The following BRIP1 variants were observed in gnomAD, a reference collection of about 807,000 sequenced individuals.
The protein encoded by BRIP1 is BRCA1 interacting DNA helicase 1.
A neutral mutation model predicts 119.7 loss-of-function variants in BRIP1; 88 were observed. The observed-to-expected ratio is 0.74, with a 90% CI of 0.62 to 0.88. The LOEUF is 0.88. Among genes scored for constraint, BRIP1 ranks in the 40% least tolerant of loss-of-function variants. The pLI is 0.00. For synonymous variants in BRIP1, 443 were observed against 496.5 expected (o/e 0.89, Z 1.43); for missense variants, 1,259 against 1,455.4 (o/e 0.87, Z 2.20).
chr17:61,749,214 T>TGTGACAATTTAACATTG (rs1222684764), intron 14 of BRIP1, among the ~76,000 whole-genome samples: 1 of 151,106 alleles, frequency 6.6e-6, no homozygotes, highest in Non-Finnish European at 1.5e-5. Flanking sequence ...GATTTAACAA[T>TGTGACAATTTAACATTG]GATTTTATGC....
chr17:61,830,061 T>C (rs2078467570), intron 6 of BRIP1, among the ~76,000 whole-genome samples: 1 of 151,066 alleles, frequency 6.6e-6, no homozygotes, highest in Non-Finnish European at 1.5e-5. Context: ...GCCTCCCGAG[T>C]AGCTGGGATT....
rs1211541495 is a variant in BRIP1, at chr17:61,690,045, G to T, written c.2575+3385C>A. On this transcript the variant is annotated intron_variant, in intron 18 of 19. Transcript: ENST00000259008. This position sits in a 1 kb window ranked among gnomAD's most constrained non-coding sequence, Gnocchi z 5.6. ...TTTCTCAGGCGACATCTTGCATGCT[G>T]TAAGGAAGTGGGATGACATGTTTGA... is the stretch of plus-strand genomic sequence containing the variant. Among the ~76,000 whole-genome samples the T allele has an allele frequency of 6.6e-6, 1 of 152,152 alleles. No individual in the cohort carries two copies. The highest frequency in any genetic ancestry group is 2.4e-5 in the African/African-American group (1 of 41,444).
chr17:61,687,331 T>C lies in BRIP1; in HGVS notation c.2576-1166A>G, dbSNP rs555286511. The stretch of plus-strand genomic sequence containing the variant: ...TTATAATCAAAGAAAGCCTTTTCAA[T>C]GTAAAATATCATTGTCTGCTTTTGA... On this transcript the variant is annotated intron_variant, in intron 18 of 19. Transcript: ENST00000259008. This position sits in a 1 kb window ranked among gnomAD's most constrained non-coding sequence, Gnocchi z 5.1. Among the ~76,000 whole-genome samples, 4 of 152,358 alleles carry C rather than the reference T, an allele frequency of 2.6e-5. No individual in the cohort carries two copies. The South Asian group carries it at 8.3e-4, about 32-fold the overall frequency.
Position 61,748,560 on chromosome 17 carries a change from CACTT to C in BRIP1, c.2098-3973_2098-3970del, listed in dbSNP as rs2077088968. 1.3e-5 allele frequency among the ~76,000 whole-genome samples: 2 copies of C among 152,192 alleles called. No homozygotes were observed. Among genetic ancestry groups the C allele is most frequent in the Non-Finnish European group, 2.9e-5 (2 of 68,028 alleles). On this transcript the variant is annotated intron_variant, in intron 14 of 19. Coordinates refer to ENST00000259008, the MANE Select transcript of BRIP1 (RefSeq NM_032043.3). The surrounding 1 kb of genome is among the most constrained non-coding windows in gnomAD (Gnocchi z 4.7). The stretch of plus-strand genomic sequence containing the variant: ...AAGCTAGAGGCATCGTGCTTCATGA[CACTT>C]ACATCTTACAAACCCACCATAATCA...
In BRIP1 at chr17:61,708,978, G is replaced by A. The variant is rs2106663; in HGVS notation, c.2492+6973C>T. On this transcript the variant is annotated intron_variant, in intron 17 of 19. Coordinates refer to ENST00000259008, the MANE Select transcript of BRIP1 (RefSeq NM_032043.3). The surrounding 1 kb of genome is among the most constrained non-coding windows in gnomAD (Gnocchi z 4.4). ...TAATATTAACCTCCATCTTTAATACGTCCTCAGCTGTGCCTGGTGTTGAAG... is the reference window on the plus strand; with the variant it reads ...TAATATTAACCTCCATCTTTAATACATCCTCAGCTGTGCCTGGTGTTGAAG... Among the ~76,000 whole-genome samples the A allele has an allele frequency of 0.34, 51,302 of 152,004 alleles. 8,860 individuals are homozygous for A. Among genetic ancestry groups the A allele is most frequent in the East Asian group, 0.49 (2,537 of 5,158 alleles).
rs2145409480 is a variant in BRIP1 at position 61,808,435 on chromosome 17, T to C, written c.918+32A>G. The C allele has an allele frequency of 6.3e-7, 1 of 1,578,394 alleles. No homozygotes were observed. The highest frequency in any genetic ancestry group is 2.2e-5 in the East Asian group (1 of 44,678). On this transcript the variant is annotated intron_variant, in intron 7 of 19. Transcript: ENST00000259008. This position sits in a 1 kb window ranked among gnomAD's most constrained non-coding sequence, Gnocchi z 4.1. ...AGTAATTTAAATATTTTCAGCCTTATTTTTTCTCTAACACAAAATAACTTT... is the reference window on the plus strand; with the variant it reads ...AGTAATTTAAATATTTTCAGCCTTACTTTTTCTCTAACACAAAATAACTTT...
rs923068961 is a variant in BRIP1 at position 61,710,341 on chromosome 17, CTTAG to C, written c.2492+5606_2492+5609del. 8.5e-5 allele frequency among the ~76,000 whole-genome samples: 13 copies of C among 152,236 alleles called. No homozygotes were observed. Among genetic ancestry groups the C allele is most frequent in the South Asian group, 6.2e-4 (3 of 4,830 alleles). On this transcript the variant is annotated intron_variant, in intron 17 of 19. Coordinates refer to ENST00000259008, the MANE Select transcript of BRIP1 (RefSeq NM_032043.3). This position sits in a 1 kb window ranked among gnomAD's most constrained non-coding sequence, Gnocchi z 5.4. ...TCACTAATTCAACAAGCATTTGAGA[CTTAG>C]TTGGTTGCTGAGAATGTAACAACGT...
In BRIP1 at chr17:61,863,272, C is replaced by T. The variant is rs4988340; in HGVS notation, c.-31+12G>A. ...AACTCAAGCCCTTTCCGTGGACTTC[C>T]CTCCGACTTGCCTGTCTGGAGGGAA... On this transcript the variant is annotated intron_variant, in intron 1 of 19. Transcript: ENST00000259008. The T allele has an allele frequency of 0.25, 38,174 of 151,976 alleles. 5,520 individuals are homozygous for T. The highest frequency in any genetic ancestry group is 0.51 in the South Asian group (2,428 of 4,782). The allele number at this position is 151,976 out of a possible 1,614,324, so 9.4% of individuals were successfully genotyped here.
rs898041467 is a variant in BRIP1 at position 61,730,294 on chromosome 17, C to T, written c.2379+12719G>A. 3.9e-5 allele frequency among the ~76,000 whole-genome samples: 6 copies of T among 152,172 alleles called. No homozygotes were observed. Among genetic ancestry groups the T allele is most frequent in the African/African-American group, 1.4e-4 (6 of 41,430 alleles). ...AAAGTGACATAGTCACCTGAAGCCCCTCTACATGTCTACAATCTGTAGGCA... is the reference window on the plus strand; with the variant it reads ...AAAGTGACATAGTCACCTGAAGCCCTTCTACATGTCTACAATCTGTAGGCA... On this transcript the variant is annotated intron_variant, in intron 16 of 19. Coordinates refer to ENST00000259008, the MANE Select transcript of BRIP1 (RefSeq NM_032043.3). The surrounding 1 kb of genome is among the most constrained non-coding windows in gnomAD (Gnocchi z 4.3).
In BRIP1 at chr17:61,686,168, A is replaced by G. The variant is rs2144119000; in HGVS notation, c.2576-3T>C. On this transcript the variant is annotated splice_polypyrimidine_tract_variant and splice_region_variant and intron_variant, in intron 18 of 19. Transcript: ENST00000259008. This position sits in a 1 kb window ranked among gnomAD's most constrained non-coding sequence, Gnocchi z 5.4. Reference sequence around the variant, plus strand: ...CTGCCGTACCCATTTAGAAAGTCCTAAAGAAAAAGGTAAACCCAGGGAAAA... The same window carrying G: ...CTGCCGTACCCATTTAGAAAGTCCTGAAGAAAAAGGTAAACCCAGGGAAAA... 1 of 1,613,960 alleles carries G rather than the reference A, an allele frequency of 6.2e-7. No individual in the cohort carries two copies. Among genetic ancestry groups the G allele is most frequent in the Non-Finnish European group, 8.5e-7 (1 of 1,179,832 alleles).
Position 61,786,474 on chromosome 17 carries a change from G to A in BRIP1, c.1474-2050C>T, listed in dbSNP as rs538499037. On this transcript the variant is annotated intron_variant, in intron 10 of 19. Coordinates refer to ENST00000259008, the MANE Select transcript of BRIP1 (RefSeq NM_032043.3). ...AGAACTGACTCTTTATATTCTATAGGTATACTACTTTGGTAAAAATTCCTA... is the reference window on the plus strand; with the variant it reads ...AGAACTGACTCTTTATATTCTATAGATATACTACTTTGGTAAAAATTCCTA... Among the ~76,000 whole-genome samples the A allele has an allele frequency of 1.7e-4, 26 of 151,330 alleles. No homozygotes were observed. In the East Asian group the frequency reaches 5.0e-3, roughly 29 times the overall value.
At chr17:61,797,049 A>G (rs2077910836) in intron 9 of BRIP1, among the ~76,000 whole-genome samples, 1 of 152,036 alleles carries the variant, frequency 6.6e-6, no homozygotes, top group Non-Finnish European at 1.5e-5. Context: ...TGTAAAGTTG[A>G]AATGTCTATT....
chr17:61,765,415 ATATATATATTTTTTTTTTTTT>A (rs2077353675), intron 14 of BRIP1, among the ~76,000 whole-genome samples: 1 of 13,682 alleles, frequency 7.3e-5, no homozygotes, highest in Non-Finnish European at 1.2e-4. Flanking sequence ...ATATATATAT[ATATATATATTTTTTTTTTTTT>A]TTTTTTTTTT....
At chr17:61,719,701 G>A (rs1262224445) in intron 16 of BRIP1, among the ~76,000 whole-genome samples, 1 of 151,346 alleles carries the variant, frequency 6.6e-6, no homozygotes, top group Admixed American at 6.6e-5. Context: ...CTCCAGCCTG[G>A]GTGACAGAGT....
intron 6 of BRIP1, among the ~76,000 whole-genome samples, chr17:61,811,085 G>T (rs1159472465): frequency 6.6e-6 from 1 of 152,068 alleles, no homozygotes; most frequent in Non-Finnish European, 1.5e-5. Context: ...CCATAATTCA[G>T]AATATTATAA....
At position 61,691,733 on chromosome 17, in the gene BRIP1, C is replaced by A. The variant is rs1368396210; in HGVS notation, c.2575+1697G>T. ...CCTCCCAAAACACTGGGATTACAGGCGTGAGCCACCATGCCCGGCTGCAAT... is the reference window on the plus strand; with the variant it reads ...CCTCCCAAAACACTGGGATTACAGGAGTGAGCCACCATGCCCGGCTGCAAT... On this transcript the variant is annotated intron_variant, in intron 18 of 19. Transcript: ENST00000259008. This position sits in a 1 kb window ranked among gnomAD's most constrained non-coding sequence, Gnocchi z 5.0. Among the ~76,000 whole-genome samples the A allele has an allele frequency of 6.6e-6, 1 of 152,164 alleles. No homozygotes were observed. Among genetic ancestry groups the A allele is most frequent in the African/African-American group, 2.4e-5 (1 of 41,448 alleles).
At position 61,683,254 on chromosome 17, in the gene BRIP1, G is replaced by A. The variant is rs2144064608; in HGVS notation, c.*42C>T. The A allele has an allele frequency of 6.4e-7, 1 of 1,571,028 alleles. No homozygotes were observed. Among genetic ancestry groups the A allele is most frequent in the Non-Finnish European group, 8.7e-7 (1 of 1,146,054 alleles). On this transcript the variant is annotated 3_prime_UTR_variant, in exon 20 of 20. Transcript: ENST00000259008. The surrounding 1 kb of genome is among the most constrained non-coding windows in gnomAD (Gnocchi z 4.7). ...TTACTTACAACAGAGTTTAACATAA[G>A]CATGATGACATATTTTTACTTAGCT...
At position 61,758,742 on chromosome 17, in the gene BRIP1, T is replaced by TA. The variant is rs966110686; in HGVS notation, c.2098-14152dup. Among the ~76,000 whole-genome samples the TA allele has an allele frequency of 2.0e-5, 3 of 151,918 alleles. No individual in the cohort carries two copies. Among genetic ancestry groups the TA allele is most frequent in the Non-Finnish European group, 4.4e-5 (3 of 67,996 alleles). On this transcript the variant is annotated intron_variant, in intron 14 of 19. Coordinates refer to ENST00000259008, the MANE Select transcript of BRIP1 (RefSeq NM_032043.3). The surrounding 1 kb of genome is among the most constrained non-coding windows in gnomAD (Gnocchi z 5.3). ...ACTCATGCCTGTAATTCCAGCACTT[T>TA]AGGAGGCTGAGGCAGAAGGATTGCT... is the stretch of plus-strand genomic sequence containing the variant.
At chr17:61,812,997 A>G (rs983878156) in intron 6 of BRIP1, among the ~76,000 whole-genome samples, 4 of 152,158 alleles carry the variant, frequency 2.6e-5, no homozygotes, top group African/African-American at 9.6e-5. Context: ...TACTATGCCT[A>G]AATACCTGAA....
Sources: gnomAD v4.1 joint callset for allele counts (sites outside exome capture counted in the v4.1 genomes callset) on GRCh38, gnomAD v4.1.1 for gene constraint, Gnocchi (gnomAD v3.1) non-coding constraint, MANE v1.5 for transcripts, NCBI Gene and HGNC (gene_info 2026-07-23, HGNC 2026-07-21) for gene names.